Variants in RBFOX1 observed in about 807,000 individuals in gnomAD.
The protein encoded by RBFOX1 is RNA binding protein fox-1 homolog 1.
In RBFOX1, 8 loss-of-function variants were observed where a neutral mutation model predicts 57.7. That is an observed-to-expected ratio of 0.14 (90% CI 0.08 to 0.25). RBFOX1 has a LOEUF of 0.25. Ranked by LOEUF, RBFOX1 falls within the 10% of genes least tolerant of loss-of-function variation. RBFOX1 has a pLI of 1.00. For synonymous variants in RBFOX1, 326 were observed against 222.4 expected, an observed-to-expected ratio of 1.47 and a Z score of -4.15; for missense variants, 611 against 548.5, an observed-to-expected ratio of 1.11 and a Z score of -1.14.
At chr16:5,908,269 T>C (rs1597738621) in intron 4 of RBFOX1, among the ~76,000 whole-genome samples, 1 of 138,570 alleles carries the variant, frequency 7.2e-6, no homozygotes, top group African/African-American at 2.6e-5. Context: ...TATACACATA[T>C]ATATACATAC....
At chr16:7,189,529 C>G (rs1458139514) in intron 4 of RBFOX1, among the ~76,000 whole-genome samples, 1 of 150,250 alleles carries the variant, frequency 6.7e-6, no homozygotes, top group South Asian at 2.1e-4. Flanking sequence ...ACATTGCCCC[C>G]ACTCCAAAAC....
chr16:7,521,185 G>A (rs1353609378), intron 5 of RBFOX1, among the ~76,000 whole-genome samples: 3 of 152,178 alleles, frequency 2.0e-5, no homozygotes, highest in Non-Finnish European at 4.4e-5. Flanking sequence ...ACAGTCAGAG[G>A]TCTTAAAGTT....
chr16:6,557,717 A>G (rs2097124868), intron 2 of RBFOX1, among the ~76,000 whole-genome samples: 1 of 152,248 alleles, frequency 6.6e-6, no homozygotes, highest in African/African-American at 2.4e-5. Flanking sequence ...CAGAAGTTGC[A>G]TAAGCATTTT....
intron 2 of RBFOX1, among the ~76,000 whole-genome samples, chr16:5,485,038 G>T (rs2069677933): frequency 6.6e-6 from 1 of 151,128 alleles, no homozygotes; most frequent in Admixed American, 6.6e-5. Flanking sequence ...CAACCTAGGT[G>T]AGAGCCTGTC....
intron 3 of RBFOX1, among the ~76,000 whole-genome samples, chr16:7,040,694 A>G (rs909972878): frequency 2.0e-5 from 3 of 152,054 alleles, no homozygotes; most frequent in Admixed American, 6.5e-5. Context: ...GTGTGTGTGC[A>G]TAGTTTTTTA....
intron 3 of RBFOX1, among the ~76,000 whole-genome samples, chr16:6,739,116 A>G (rs958466740): frequency 6.6e-6 from 1 of 152,122 alleles, no homozygotes; most frequent in African/African-American, 2.4e-5. Flanking sequence ...TAAAGCAAGC[A>G]GCAGAGAGGA....
intron 2 of RBFOX1, among the ~76,000 whole-genome samples, chr16:6,564,497 C>T (rs2097229485): frequency 6.6e-6 from 1 of 151,978 alleles, no homozygotes; most frequent in Admixed American, 6.6e-5. Flanking sequence ...AACAAACAAA[C>T]ACATGGGTAA....
chr16:5,404,573 G>A (rs148162605), intron 1 of RBFOX1, among the ~76,000 whole-genome samples: 1 of 152,278 alleles, frequency 6.6e-6, no homozygotes, highest in Non-Finnish European at 1.5e-5. Context: ...TTCAGAGCTG[G>A]TTTCTCACCC....
chr16:6,031,397 G>A (rs1252433063), intron 1 of RBFOX1, among the ~76,000 whole-genome samples: 2 of 152,202 alleles, frequency 1.3e-5, no homozygotes, highest in African/African-American at 2.4e-5. Context: ...TCAGGAGCCT[G>A]TGCCCTGTGT....
chr16:7,489,357 G>C (rs1388324066), intron 4 of RBFOX1, among the ~76,000 whole-genome samples: 2 of 152,128 alleles, frequency 1.3e-5, no homozygotes, highest in African/African-American at 4.8e-5. Context: ...TCTTAAAATA[G>C]CAAATATTAA....
intron 3 of RBFOX1, among the ~76,000 whole-genome samples, chr16:5,769,904 C>T (rs979337977): frequency 3.9e-5 from 6 of 152,098 alleles, no homozygotes; most frequent in African/African-American, 1.4e-4. Flanking sequence ...GAAATTCATG[C>T]AGGATGTTGG....
chr16:6,684,471 C>G (rs1257748088), intron 3 of RBFOX1, among the ~76,000 whole-genome samples: 1 of 152,220 alleles, frequency 6.6e-6, no homozygotes, highest in Non-Finnish European at 1.5e-5. Context: ...GGCAAACCTC[C>G]TGAACTTAAG....
chr16:5,664,844 C>T (rs1212584078), intron 3 of RBFOX1, among the ~76,000 whole-genome samples: 1 of 152,164 alleles, frequency 6.6e-6, no homozygotes, highest in Non-Finnish European at 1.5e-5. Context: ...TCTCAGAATG[C>T]AATACACATG....
chr16:7,451,154 G>A (rs191330462), intron 4 of RBFOX1, among the ~76,000 whole-genome samples: 91 of 152,298 alleles, frequency 6.0e-4, no homozygotes, highest in Admixed American at 2.9e-3. Context: ...CCAGCTTTCT[G>A]GGGGATGAGG....
chr16:7,276,146 C>T (rs182879852), intron 4 of RBFOX1, among the ~76,000 whole-genome samples: 209 of 152,288 alleles, frequency 1.4e-3, no homozygotes, highest in Admixed American at 4.6e-3. Context: ...TGCAAGGTGG[C>T]GATTCTGAAA....
At chr16:7,203,507 G>C (rs1023607782) in intron 4 of RBFOX1, among the ~76,000 whole-genome samples, 1 of 152,178 alleles carries the variant, frequency 6.6e-6, no homozygotes, top group African/African-American at 2.4e-5. Context: ...CTACTGAATT[G>C]TATGCTTAAA....
chr16:7,362,401 G>A (rs901007746), intron 4 of RBFOX1, among the ~76,000 whole-genome samples: 4 of 151,604 alleles, frequency 2.6e-5, no homozygotes, highest in African/African-American at 9.7e-5. Flanking sequence ...GTGTGATTGT[G>A]TGTATATGTT....
At chr16:5,916,391 C>G (rs1034233992) in intron 4 of RBFOX1, among the ~76,000 whole-genome samples, 10 of 152,106 alleles carry the variant, frequency 6.6e-5, no homozygotes, top group African/African-American at 2.4e-4. Context: ...TCTCTTATTT[C>G]TTTCTTTACC....
intron 1 of RBFOX1, among the ~76,000 whole-genome samples, chr16:5,245,597 A>G (rs959335992): frequency 6.6e-6 from 1 of 152,094 alleles, no homozygotes; most frequent in African/African-American, 2.4e-5. Context: ...GATGCGCACC[A>G]CCATGCCTGA....
Sources: allele counts gnomAD v4.1 joint callset (sites outside exome capture counted in the v4.1 genomes callset), GRCh38; gene constraint gnomAD v4.1.1; transcripts MANE v1.5; gene names NCBI Gene and HGNC (gene_info 2026-07-23, HGNC 2026-07-21).